SDK2: variants seen among roughly 807,000 people sequenced by gnomAD.
The protein encoded by SDK2 is sidekick cell adhesion molecule 2, also known as protein sidekick-2.
SDK2 carries 105 observed loss-of-function variants against 253.9 expected under a neutral mutation model. The observed-to-expected ratio is 0.41, with a 90% confidence interval of 0.35 to 0.49. The LOEUF (loss-of-function observed/expected upper bound fraction) is 0.49, where lower values mean the gene tolerates loss of function less well. Ranked by LOEUF, SDK2 falls within the 20% of genes least tolerant of loss-of-function variation. The pLI is 0.06. For synonymous variants in SDK2, 1,249 were observed against 1,234.9 expected (o/e 1.01, Z -0.24); for missense variants, 2,608 against 3,003.0 (o/e 0.87, Z 3.07).
At chr17:73,349,084 A>G (rs540044732) in intron 43 of SDK2, among the ~76,000 whole-genome samples, 101 of 152,152 alleles carry the variant, frequency 6.6e-4, no homozygotes, top group Non-Finnish European at 1.1e-3. Flanking sequence ...ATGTGTGTGC[A>G]CTGTGGGTAG....
intron 1 of SDK2, among the ~76,000 whole-genome samples, chr17:73,580,140 A>G (rs1406355105): frequency 6.6e-6 from 1 of 152,138 alleles, no homozygotes; most frequent in Non-Finnish European, 1.5e-5. Flanking sequence ...ACTGCGGAAC[A>G]ATTCATTTCT....
rs929285636 is a variant in SDK2 at position 73,478,245 on chromosome 17, G to A, written c.225-6027C>T. ...GGCACTGTTCTGCTCCTTGCTTTGT[G>A]CAAGTGACAATGTATCTCAAAAATC... On this transcript the variant is annotated intron_variant, in intron 2 of 44. Transcript: ENST00000392650. Among the ~76,000 whole-genome samples, 3 of 152,208 alleles carry A rather than the reference G, an allele frequency of 2.0e-5. No individual in the cohort carries two copies. The South Asian group carries it at 6.2e-4, about 32-fold the overall frequency.
Position 73,435,067 on chromosome 17 carries a change from T to C in SDK2, c.1195+383A>G, listed in dbSNP as rs2063356478. ...AAGAGAAAAACACCAGTTTTCTTCT[T>C]TGGAAACATGAGCAGGTCTTCTGGA... On this transcript the variant is annotated intron_variant, in intron 9 of 44. Transcript: ENST00000392650. The surrounding 1 kb of genome is among the most constrained non-coding windows in gnomAD (Gnocchi z 5.7). 6.6e-6 allele frequency among the ~76,000 whole-genome samples: 1 copy of C among 152,140 alleles called. No homozygotes were observed. The highest frequency in any genetic ancestry group is 2.1e-4 in the South Asian group (1 of 4,826).
At chr17:73,626,363 A>C (rs978158660) in intron 1 of SDK2, among the ~76,000 whole-genome samples, 1 of 152,190 alleles carries the variant, frequency 6.6e-6, no homozygotes, top group Non-Finnish European at 1.5e-5. Context: ...CACCCCCACC[A>C]CACCCAAACC....
At chr17:73,542,818 A>G (rs969820631) in intron 1 of SDK2, among the ~76,000 whole-genome samples, 3 of 152,138 alleles carry the variant, frequency 2.0e-5, no homozygotes, top group Non-Finnish European at 2.9e-5. Flanking sequence ...AACACAAAAT[A>G]TCAAATATAA....
intron 1 of SDK2, among the ~76,000 whole-genome samples, chr17:73,607,095 C>T (rs958693080): frequency 1.3e-5 from 2 of 152,180 alleles, no homozygotes; most frequent in Non-Finnish European, 1.5e-5. Flanking sequence ...TTGTCCCATG[C>T]TCCCTGGGAG....
At chr17:73,445,104 C>G (rs965821337) in intron 5 of SDK2, among the ~76,000 whole-genome samples, 1 of 152,116 alleles carries the variant, frequency 6.6e-6, no homozygotes, top group Non-Finnish European at 1.5e-5. Context: ...AAATACAGAT[C>G]ACGTATTTCG....
chr17:73,507,399 C>T lies in SDK2; in HGVS notation c.224+39G>A, dbSNP rs539344187. On this transcript the variant is annotated intron_variant, in intron 2 of 44. Transcript: ENST00000392650. ...GCCCTCTTCAAAGCAGGGCAGTGGT[C>T]CTGGCAGCCAGGAGGAAGGGCGGGG... is the stretch of plus-strand genomic sequence containing the variant. 1.4e-5 allele frequency: 21 copies of T among 1,536,722 alleles called. No individual in the cohort carries two copies. In the South Asian group the frequency reaches 2.3e-4, roughly 17 times the overall value.
chr17:73,414,709 T>C lies in SDK2; in HGVS notation c.2419A>G (p.Thr807Ala), dbSNP rs1266505166. 6.2e-7 allele frequency: 1 copy of C among 1,613,862 alleles called. No homozygotes were observed. The highest frequency in any genetic ancestry group is 8.5e-7 in the Non-Finnish European group (1 of 1,179,850). ...NVHAEATNSTTIRFTWNAPSP... is the reference protein window; with the variant it reads ...NVHAEATNSTAIRFTWNAPSP... ...GGGGCGTTCCAGGTGAAGCGGATGGTCGTGGAATTGGTGGCTTCCGCGTGC... is the reference window on the plus strand; with the variant it reads ...GGGGCGTTCCAGGTGAAGCGGATGGCCGTGGAATTGGTGGCTTCCGCGTGC... The change falls in exon 18 of 45, where the codon ACC (threonine) becomes GCC (alanine). Residue 807 changes from threonine (T) to alanine (A), a missense_variant. Around this residue, in one of 2 missense-constraint regions of SDK2, gnomAD observed 1,505 missense variants for 1,859.1 expected, o/e 0.81. Coordinates refer to ENST00000392650, the MANE Select transcript of SDK2 (RefSeq NM_001144952.2).
intron 10 of SDK2, among the ~76,000 whole-genome samples, chr17:73,432,922 G>C (rs572249892): frequency 1.1e-4 from 17 of 152,276 alleles, no homozygotes; most frequent in African/African-American, 4.1e-4. Context: ...TGCACACACA[G>C]AGGTGAAGAG....
At chr17:73,369,926 G>A (rs986612333) in intron 36 of SDK2, among the ~76,000 whole-genome samples, 2 of 152,126 alleles carry the variant, frequency 1.3e-5, no homozygotes, top group Admixed American at 1.3e-4. Context: ...TTACAGGCGC[G>A]AACCACCAAG....
At chr17:73,499,317 A>G (rs2063867529) in intron 2 of SDK2, among the ~76,000 whole-genome samples, 1 of 152,160 alleles carries the variant, frequency 6.6e-6, no homozygotes, top group African/African-American at 2.4e-5. Context: ...TGCCTCAGAT[A>G]TACTTTCTTC....
At chr17:73,637,252 T>C (rs74921694) in intron 1 of SDK2, among the ~76,000 whole-genome samples, 5,055 of 152,284 alleles carry the variant, frequency 0.033, 113 homozygotes, top group Middle Eastern at 0.13. Flanking sequence ...GCATTGCCAG[T>C]GCATGAGATC....
intron 3 of SDK2, among the ~76,000 whole-genome samples, chr17:73,457,581 C>A (rs1193553887): frequency 1.3e-5 from 2 of 151,570 alleles, no homozygotes; most frequent in Non-Finnish European, 2.9e-5. Context: ...GAACTTCTGA[C>A]CTAAAGTGAT....
At position 73,361,911 on chromosome 17, in the gene SDK2, A is replaced by G; in HGVS notation, c.5306-66T>C. On this transcript the variant is annotated intron_variant, in intron 38 of 44. Coordinates refer to ENST00000392650, the MANE Select transcript of SDK2 (RefSeq NM_001144952.2). The surrounding 1 kb of genome is among the most constrained non-coding windows in gnomAD (Gnocchi z 4.1). ...ACCGAGGGCACTGGAGGCCATGGGG[A>G]AGGGGAAGCGGCCGTGGCCTGGGCC... is the stretch of plus-strand genomic sequence containing the variant. 2 of 1,475,192 alleles carry G rather than the reference A, an allele frequency of 1.4e-6. No individual in the cohort carries two copies. The highest frequency in any genetic ancestry group is 2.2e-5 in the Admixed American group (1 of 46,438). 91.4% of individuals were successfully genotyped at this position (1,475,192 alleles called of 1,614,324 possible).
At chr17:73,544,975 G>T (rs950736956) in intron 1 of SDK2, among the ~76,000 whole-genome samples, 1 of 144,422 alleles carries the variant, frequency 6.9e-6, no homozygotes, top group African/African-American at 2.6e-5. Flanking sequence ...ACACCCCCTT[G>T]TCAAGGCTCT....
intron 3 of SDK2, among the ~76,000 whole-genome samples, chr17:73,468,318 C>T (rs930252815): frequency 1.6e-4 from 25 of 152,160 alleles, no homozygotes; most frequent in African/African-American, 5.8e-4. Context: ...GCTGGCTAGA[C>T]GCTTTGGCAC....
At position 73,391,420 on chromosome 17, in the gene SDK2, C is replaced by T. The variant is rs376324123; in HGVS notation, c.3997+20G>A. 4.4e-5 allele frequency: 56 copies of T among 1,281,298 alleles called. No individual in the cohort carries two copies. Among genetic ancestry groups the T allele is most frequent in the African/African-American group, 1.1e-4 (7 of 65,926 alleles). The allele number at this position is 1,281,298 out of a possible 1,614,324, so 79.4% of individuals were successfully genotyped here. On this transcript the variant is annotated intron_variant, in intron 28 of 44. Transcript: ENST00000392650. ...CTTCCTTCTTCCTGCAGCCGGGGCACGGGAAGGGCAAAGGCTTACCAAGAA... is the reference window on the plus strand; with the variant it reads ...CTTCCTTCTTCCTGCAGCCGGGGCATGGGAAGGGCAAAGGCTTACCAAGAA...
Position 73,401,985 on chromosome 17 carries a change from GC to G in SDK2, c.2640del (p.Pro881HisfsTer21). ...CGCACCAGCTGCGGGGTGCTGCGTGGCCCGTCCCCGGGGGTGGTGAAACACA... is the reference window on the plus strand; with the variant it reads ...CGCACCAGCTGCGGGGTGCTGCGTGGCCGTCCCCGGGGGTGGTGAAACACA... Reference protein sequence around the residue: ...SVLCFTTPGDGPRSTPQLVRT... With the variant: ...SVLCFTTPGDXPRSTPQLVRT... On this transcript the variant is annotated frameshift_variant, in exon 19 of 45. Coordinates refer to ENST00000392650, the MANE Select transcript of SDK2 (RefSeq NM_001144952.2). LOFTEE classifies it high-confidence loss of function. 1 of 1,613,304 alleles carries G rather than the reference GC, an allele frequency of 6.2e-7. No individual in the cohort carries two copies. Among genetic ancestry groups the G allele is most frequent in the South Asian group, 1.1e-5 (1 of 90,968 alleles).
Sources: allele counts gnomAD v4.1 joint callset (sites outside exome capture counted in the v4.1 genomes callset), GRCh38; gene constraint gnomAD v4.1.1; regional missense constraint gnomAD v4.1.1; non-coding constraint Gnocchi (gnomAD v3.1); transcripts MANE v1.5; gene names NCBI Gene and HGNC (gene_info 2026-07-23, HGNC 2026-07-21).